The following DLGAP1 variants were observed in gnomAD, a reference collection of about 807,000 sequenced individuals.
DLGAP1 encodes the protein disks large-associated protein 1.
In DLGAP1, 11 loss-of-function variants were observed where a neutral mutation model predicts 90.8. That is an observed-to-expected ratio of 0.12 (90% CI 0.08 to 0.20). DLGAP1 has a LOEUF of 0.20. Among genes scored for constraint, DLGAP1 ranks in the 10% least tolerant of loss-of-function variants. The pLI, the probability that DLGAP1 is intolerant of heterozygous loss-of-function variation, is 1.00. For missense variants in DLGAP1, 1,050 were observed against 1,333.8 expected, an observed-to-expected ratio of 0.79 and a Z score of 3.31; for synonymous variants, 558 against 540.7, an observed-to-expected ratio of 1.03 and a Z score of -0.44.
Position 3,497,458 on chromosome 18 carries a change from C to T in DLGAP1, c.*1727G>A, listed in dbSNP as rs1788329142. 6.6e-6 allele frequency: 1 copy of T among 152,032 alleles called. No homozygotes were observed. The highest frequency in any genetic ancestry group is 1.5e-5 in the Non-Finnish European group (1 of 68,022). 9.4% of individuals were successfully genotyped at this position (152,032 alleles called of 1,614,324 possible). A position where few individuals can be genotyped will look rare whatever the true frequency, so the allele number is the denominator to read the frequency against. ...AAGCATCGATGGCTCTGAGAGGTAGCGAATTCTCTAGTGGTTTTAGAATAT... is the reference window on the plus strand; with the variant it reads ...AAGCATCGATGGCTCTGAGAGGTAGTGAATTCTCTAGTGGTTTTAGAATAT... On this transcript the variant is annotated 3_prime_UTR_variant, in exon 13 of 13. Transcript: ENST00000315677.
intron 1 of DLGAP1, among the ~76,000 whole-genome samples, chr18:4,193,684 G>A (rs2077442508): frequency 6.6e-6 from 1 of 152,250 alleles, no homozygotes; most frequent in Non-Finnish European, 1.5e-5. Context: ...TATGACTTCT[G>A]TTAGTGTTTT....
At chr18:3,695,662 C>T (rs1406061124) in intron 7 of DLGAP1, among the ~76,000 whole-genome samples, 3 of 152,134 alleles carry the variant, frequency 2.0e-5, no homozygotes, top group Non-Finnish European at 4.4e-5. Flanking sequence ...GTTCTTTTTG[C>T]TTAGAATTGT....
intron 1 of DLGAP1, among the ~76,000 whole-genome samples, chr18:4,280,234 T>A (rs1465140309): frequency 6.6e-6 from 1 of 152,214 alleles, no homozygotes; most frequent in Non-Finnish European, 1.5e-5. Flanking sequence ...CATGATATAA[T>A]TTTAATAAAT....
At chr18:3,681,612 C>T (rs1249952809) in intron 7 of DLGAP1, among the ~76,000 whole-genome samples, 2 of 152,138 alleles carry the variant, frequency 1.3e-5, no homozygotes, top group African/African-American at 4.8e-5. Flanking sequence ...TAACTTTCTT[C>T]CCCAAAAAGC....
At chr18:4,322,581 C>G (rs2080718603) in intron 1 of DLGAP1, among the ~76,000 whole-genome samples, 2 of 152,114 alleles carry the variant, frequency 1.3e-5, no homozygotes. Flanking sequence ...CAACAGTAAT[C>G]TGGGCAATTA....
At chr18:4,414,631 C>T (rs1198320777) in intron 1 of DLGAP1, among the ~76,000 whole-genome samples, 3 of 151,048 alleles carry the variant, frequency 2.0e-5, no homozygotes, top group Non-Finnish European at 4.4e-5. Context: ...GAGGCTGAGG[C>T]AGGAGAATCA....
intron 7 of DLGAP1, among the ~76,000 whole-genome samples, chr18:3,625,908 T>C (rs895390627): frequency 6.6e-6 from 1 of 152,236 alleles, no homozygotes; most frequent in Non-Finnish European, 1.5e-5. Context: ...TGATCAAATC[T>C]CTGTTCATGC....
intron 10 of DLGAP1, among the ~76,000 whole-genome samples, chr18:3,511,251 T>C (rs573272802): frequency 4.6e-5 from 7 of 151,444 alleles, no homozygotes; most frequent in Non-Finnish European, 1.0e-4. Context: ...AAACTCACTT[T>C]AATTTTAAGA....
At chr18:4,265,663 C>CCTTT (rs1568480322) in intron 1 of DLGAP1, among the ~76,000 whole-genome samples, 3 of 54,262 alleles carry the variant, frequency 5.5e-5, no homozygotes, top group Non-Finnish European at 8.9e-5. Context: ...CTCCCTCCCT[C>CCTTT]CCTTCCTTCC....
At chr18:3,977,434 G>GGTTT (rs767760816) in intron 3 of DLGAP1, among the ~76,000 whole-genome samples, 1 of 95,330 alleles carries the variant, frequency 1.0e-5, no homozygotes, top group African/African-American at 4.2e-5. Context: ...TTTATTCTGT[G>GGTTT]TTTTTTTTTT....
intron 2 of DLGAP1, among the ~76,000 whole-genome samples, chr18:4,093,268 A>AT (rs761140857): frequency 2.2e-4 from 34 of 152,214 alleles, no homozygotes; most frequent in Non-Finnish European, 3.5e-4. Flanking sequence ...AACAGGGATA[A>AT]TTAAAAAAAG....
At chr18:3,715,987 A>G (rs2061748136) in intron 7 of DLGAP1, among the ~76,000 whole-genome samples, 1 of 152,240 alleles carries the variant, frequency 6.6e-6, no homozygotes, top group African/African-American at 2.4e-5. Flanking sequence ...AAAGCAAGGG[A>G]AAGAATATTT....
chr18:3,936,384 A>G (rs16945681), intron 3 of DLGAP1, among the ~76,000 whole-genome samples: 21,910 of 152,056 alleles, frequency 0.14, 1,665 homozygotes, highest in Middle Eastern at 0.18. Context: ...AGACCATGAC[A>G]TTTCCAGTTG....
At chr18:4,400,895 C>T (rs576196774) in intron 1 of DLGAP1, among the ~76,000 whole-genome samples, 23 of 152,230 alleles carry the variant, frequency 1.5e-4, no homozygotes, top group Admixed American at 1.2e-3. Context: ...TCAAAGATTT[C>T]CTTTCCCTGA....
At chr18:4,317,034 C>A (rs1396107831) in intron 1 of DLGAP1, among the ~76,000 whole-genome samples, 1 of 152,148 alleles carries the variant, frequency 6.6e-6, no homozygotes, top group Non-Finnish European at 1.5e-5. Context: ...GCTGGAGATA[C>A]CCTAGACATG....
chr18:4,299,958 G>A (rs950577036), intron 1 of DLGAP1, among the ~76,000 whole-genome samples: 3 of 151,910 alleles, frequency 2.0e-5, no homozygotes, highest in Non-Finnish European at 4.4e-5. Flanking sequence ...TCAAATAATC[G>A]ATAGCTTTGC....
At chr18:3,890,542 A>T (rs2071432805) in intron 3 of DLGAP1, among the ~76,000 whole-genome samples, 1 of 152,136 alleles carries the variant, frequency 6.6e-6, no homozygotes, top group Non-Finnish European at 1.5e-5. Context: ...CACATCTAGC[A>T]ATCTGACCCT....
intron 3 of DLGAP1, among the ~76,000 whole-genome samples, chr18:3,967,169 G>C (rs1255112751): frequency 6.6e-6 from 1 of 152,176 alleles, no homozygotes; most frequent in Non-Finnish European, 1.5e-5. Context: ...ATTGGTGGAG[G>C]GAATGTGCCT....
At chr18:4,299,126 G>C (rs149272375) in intron 1 of DLGAP1, among the ~76,000 whole-genome samples, 7 of 149,332 alleles carry the variant, frequency 4.7e-5, no homozygotes, top group Non-Finnish European at 1.0e-4. Flanking sequence ...GCAAATTCTT[G>C]GGCCCCAGCC....
Sources: allele counts gnomAD v4.1 joint callset (sites outside exome capture counted in the v4.1 genomes callset), GRCh38; gene constraint gnomAD v4.1.1; transcripts MANE v1.5; gene names NCBI Gene and HGNC (gene_info 2026-07-23, HGNC 2026-07-21).